Variants in LRP1B observed in about 807,000 individuals in gnomAD.
The protein encoded by LRP1B is LDL receptor related protein 1B.
In LRP1B, 217 loss-of-function variants were observed where a neutral mutation model predicts 556.6. The observed-to-expected ratio is 0.39, with a 90% confidence interval of 0.35 to 0.44. The LOEUF (loss-of-function observed/expected upper bound fraction) is 0.44, where lower values mean the gene tolerates loss of function less well. Ranked by LOEUF, LRP1B falls within the 20% of genes least tolerant of loss-of-function variation. LRP1B has a pLI of 1.00. For missense variants in LRP1B, 5,053 were observed against 5,620.8 expected (o/e 0.90, Z 3.23); for synonymous variants, 2,047 against 1,865.8 (o/e 1.10, Z -2.50).
chr2:140,284,479 T>C (rs1367030146), intron 84 of LRP1B, among the ~76,000 whole-genome samples: 2 of 151,654 alleles, frequency 1.3e-5, no homozygotes, highest in African/African-American at 4.8e-5. Flanking sequence ...ATGTTGTATG[T>C]AGCCTAACTG....
At chr2:141,989,507 T>A (rs1430164667) in intron 1 of LRP1B, among the ~76,000 whole-genome samples, 2 of 152,136 alleles carry the variant, frequency 1.3e-5, no homozygotes, top group African/African-American at 4.8e-5. Context: ...TATTTTATAT[T>A]CTTTTAAGCT....
At chr2:140,521,520 C>A (rs545790732) in intron 49 of LRP1B, among the ~76,000 whole-genome samples, 8 of 151,978 alleles carry the variant, frequency 5.3e-5, no homozygotes, top group Non-Finnish European at 1.2e-4. Context: ...CAGATCAGTA[C>A]TAGAAGAGAG....
intron 2 of LRP1B, among the ~76,000 whole-genome samples, chr2:141,503,132 T>C (rs1026551652): frequency 5.4e-5 from 8 of 148,348 alleles, no homozygotes; most frequent in African/African-American, 2.0e-4. Context: ...ATTAGGACTA[T>C]ATAAAAAATA....
chr2:141,875,290 G>A (rs1026691897), intron 1 of LRP1B, among the ~76,000 whole-genome samples: 2 of 151,800 alleles, frequency 1.3e-5, no homozygotes, highest in Non-Finnish European at 2.9e-5. Flanking sequence ...TAATAGGCAT[G>A]AACCTGTTAT....
At position 140,351,004 on chromosome 2, in the gene LRP1B, G is replaced by T; in HGVS notation, c.11685C>A (p.Asp3895Glu). 2 of 1,599,108 alleles carry T rather than the reference G, an allele frequency of 1.3e-6. No homozygotes were observed. Among genetic ancestry groups the T allele is most frequent in the Non-Finnish European group, 1.7e-6 (2 of 1,167,808 alleles). ...SEDQVLYIANDTDILGFIYPF... is the reference protein window; with the variant it reads ...SEDQVLYIANETDILGFIYPF... ...GATATATAAAACCCAGGATATCAGT[G>T]TCATTAGCAATGTAGAGAACTTGAT... is the stretch of plus-strand genomic sequence containing the variant. The change falls in exon 77 of 91, where the codon GAC becomes GAA. Residue 3895 changes from aspartate to glutamate, a missense_variant. Transcript: ENST00000389484.
intron 7 of LRP1B, among the ~76,000 whole-genome samples, chr2:141,124,990 GT>G: frequency 6.6e-6 from 1 of 152,116 alleles, no homozygotes; most frequent in East Asian, 1.9e-4. Context: ...ATCAAACCCT[GT>G]TTGTCACAAT....
chr2:140,908,897 T>C (rs1694337539), intron 21 of LRP1B, among the ~76,000 whole-genome samples: 1 of 152,156 alleles, frequency 6.6e-6, no homozygotes, highest in African/African-American at 2.4e-5. Context: ...CCTCCCAGGT[T>C]CAAGCAATTC....
chr2:141,626,204 C>A (rs898201069), intron 2 of LRP1B, among the ~76,000 whole-genome samples: 1 of 152,020 alleles, frequency 6.6e-6, no homozygotes, highest in Non-Finnish European at 1.5e-5. Flanking sequence ...AAAGGCAATA[C>A]AATAGAGAAA....
At chr2:140,578,699 C>T (rs1034613917) in intron 43 of LRP1B, among the ~76,000 whole-genome samples, 20 of 151,324 alleles carry the variant, frequency 1.3e-4, no homozygotes, top group Non-Finnish European at 2.8e-4. Context: ...ATGTAACAAA[C>T]CTGCACGTAG....
rs33913417 is a variant in LRP1B at position 141,579,724 on chromosome 2, C to CTTTTTTTTTTTTTTTTTTTTTTTTTTTT, written c.206-99192_206-99191insAAAAAAAAAAAAAAAAAAAAAAAAAAAA. ...CATAAGGAAAACATATCAGGTTTCACTTTTTTTTTTTTTTTTTTGAGACGG... is the reference window on the plus strand; with the variant it reads ...CATAAGGAAAACATATCAGGTTTCACTTTTTTTTTTTTTTTTTTTTTTTTTTTTTTTTTTTTTTTTTTTTTTGAGACGG... On this transcript the variant is annotated intron_variant, in intron 2 of 90. Coordinates refer to ENST00000389484, the MANE Select transcript of LRP1B (RefSeq NM_018557.3). Among the ~76,000 whole-genome samples the CTTTTTTTTTTTTTTTTTTTTTTTTTTTT allele has an allele frequency of 5.5e-4, 56 of 100,958 alleles. 9 individuals are homozygous for CTTTTTTTTTTTTTTTTTTTTTTTTTTTT. The highest frequency in any genetic ancestry group is 7.5e-4 in the Non-Finnish European group (42 of 56,170). The allele number at this position is 100,958 out of a possible 152,430, so 66.2% of individuals were successfully genotyped here.
chr2:141,483,144 G>T (rs374736257), intron 2 of LRP1B, among the ~76,000 whole-genome samples: 1 of 130,574 alleles, frequency 7.7e-6, no homozygotes, highest in African/African-American at 3.0e-5. Flanking sequence ...CCTGGAGTGT[G>T]ATGTTCCCCT....
intron 1 of LRP1B, among the ~76,000 whole-genome samples, chr2:141,923,398 T>TTA (rs397701337): frequency 3.0e-4 from 1 of 3,306 alleles, no homozygotes; most frequent in Non-Finnish European, 7.9e-4. Context: ...AAATTATCTC[T>TTA]GTCACTATAT....
chr2:141,228,106 G>C lies in LRP1B; in HGVS notation c.850+1077C>G, dbSNP rs949265727. ...CATGCCTGGCTAATTTTTTATTTTT[G>C]GTAGAGATGGGGTTTGGCCAGGCTG... On this transcript the variant is annotated intron_variant, in intron 6 of 90. Coordinates refer to ENST00000389484, the MANE Select transcript of LRP1B (RefSeq NM_018557.3). Among the ~76,000 whole-genome samples the C allele has an allele frequency of 7.9e-5, 12 of 151,920 alleles. No homozygotes were observed. In the South Asian group the frequency reaches 8.3e-4, roughly 11 times the overall value.
At chr2:141,580,562 C>G (rs1686929324) in intron 2 of LRP1B, among the ~76,000 whole-genome samples, 1 of 134,940 alleles carries the variant, frequency 7.4e-6, no homozygotes, top group African/African-American at 2.8e-5. Flanking sequence ...TAGAGTCTTC[C>G]TACTTCCTCA....
chr2:141,055,313 CTA>C, intron 9 of LRP1B, 54 bp from the exon 10 acceptor site: 1 of 1,564,258 alleles, frequency 6.4e-7, no homozygotes, highest in East Asian at 2.3e-5. Flanking sequence ...GATAAGATAA[CTA>C]TGTGCATCAG....
chr2:140,605,580 G>C (rs1682837493), intron 41 of LRP1B, among the ~76,000 whole-genome samples: 1 of 146,380 alleles, frequency 6.8e-6, no homozygotes, highest in Non-Finnish European at 1.5e-5. Flanking sequence ...TTGCTTGCTT[G>C]CTTCTCTTTT....
intron 35 of LRP1B, among the ~76,000 whole-genome samples, chr2:140,755,949 A>G (rs1688729314): frequency 6.6e-6 from 1 of 152,008 alleles, no homozygotes; most frequent in South Asian, 2.1e-4. Context: ...GATCTTGTAT[A>G]GAGAAAATCC....
rs536930993 is a variant in LRP1B at position 140,883,773 on chromosome 2, A to T, written c.4169+44T>A. 10 of 1,551,464 alleles carry T rather than the reference A, an allele frequency of 6.4e-6. No homozygotes were observed. The South Asian group carries it at 1.2e-4, about 18-fold the overall frequency. ...AAATTCAATGTTAAATTGAAAGACT[A>T]TTTTTTATGCCAAAATCAATCTATA... On this transcript the variant is annotated intron_variant, in intron 25 of 90. Transcript: ENST00000389484.
At chr2:141,044,942 A>G (rs1371338114) in intron 11 of LRP1B, among the ~76,000 whole-genome samples, 1 of 151,002 alleles carries the variant, frequency 6.6e-6, no homozygotes, top group Admixed American at 6.6e-5. Context: ...AGGACTATAA[A>G]TCATGCTGCT....
Sources: allele counts gnomAD v4.1 joint callset (sites outside exome capture counted in the v4.1 genomes callset), GRCh38; gene constraint gnomAD v4.1.1; transcripts MANE v1.5; gene names NCBI Gene and HGNC (gene_info 2026-07-23, HGNC 2026-07-21).